GABPB2: variants seen among roughly 807,000 people sequenced by gnomAD.
The protein encoded by GABPB2 is GA-binding protein subunit beta-2.
GABPB2 carries 23 observed loss-of-function variants against 39.1 expected under a neutral mutation model. The observed-to-expected ratio is 0.59, with a 90% CI of 0.42 to 0.83. The LOEUF (loss-of-function observed/expected upper bound fraction) is 0.83. GABPB2 is among the 40% of genes least tolerant of loss of function. The pLI is 0.00. For missense variants in GABPB2, 467 were observed against 541.1 expected (o/e 0.86, Z 1.36); for synonymous variants, 184 against 199.3 (o/e 0.92, Z 0.65).
At chr1:151,111,413 TTTTTTTTTC>T (rs962101518) in intron 7 of GABPB2, among the ~76,000 whole-genome samples, 4 of 143,472 alleles carry the variant, frequency 2.8e-5, no homozygotes, top group Non-Finnish European at 4.6e-5. Context: ...CCCCACTAAT[TTTTTTTTTC>T]TTTTTTTTCT....
rs1374636309 is a variant in GABPB2, at chr1:151,103,652, TC to T, written c.714del (p.Ser239ProfsTer14). 6 of 1,613,482 alleles carry T rather than the reference TC, an allele frequency of 3.7e-6. No homozygotes were observed. In the African/African-American group the frequency reaches 8.0e-5, roughly 22 times the overall value. On this transcript the variant is annotated frameshift_variant, in exon 6 of 9. Coordinates refer to ENST00000368918, the MANE Select transcript of GABPB2 (RefSeq NM_144618.3). LOFTEE classifies it high-confidence loss of function. ...GCTCTTGCTGAGGCATCAGTCCCCC[TC>T]TCCAACTCACACAGAGCCACAGGTA... is the stretch of plus-strand genomic sequence containing the variant. Reference protein sequence around the residue: ...LAALAEASVPLSNSHRATANT... With the variant: ...LAALAEASVPXSNSHRATANT...
intron 3 of GABPB2, among the ~76,000 whole-genome samples, chr1:151,092,564 A>G (rs775706625): frequency 1.4e-5 from 2 of 148,034 alleles, no homozygotes; most frequent in Non-Finnish European, 3.0e-5. Context: ...TAGTTTTCCA[A>G]TTTATTATTA....
Position 151,097,890 on chromosome 1 carries a change from A to G in GABPB2, c.510A>G (p.Arg170=), listed in dbSNP as rs1679216321. The change falls in exon 5 of 9, where the codon AGA becomes AGG. Residue 170 remains arginine, a synonymous_variant. Transcript: ENST00000368918. ...ATCAGGTGAATGTTAATCCAGAGAG[A>G]GCCAACCCTGTGACTGACCCTGTGA... The part of the protein sequence containing the change: ...MQNQVNVNPE[R]ANPVTDPVSM... 4 of 1,614,126 alleles carry G rather than the reference A, an allele frequency of 2.5e-6. No individual in the cohort carries two copies. In the Admixed American group the frequency reaches 6.7e-5, roughly 27 times the overall value.
chr1:151,085,913 C>G (rs1678148502), intron 1 of GABPB2, among the ~76,000 whole-genome samples: 1 of 152,014 alleles, frequency 6.6e-6, no homozygotes, highest in Non-Finnish European at 1.5e-5. Context: ...ACAGATCATG[C>G]AGAATAGTGG....
chr1:151,078,368 C>G (rs587753825), intron 1 of GABPB2, among the ~76,000 whole-genome samples: 1 of 151,924 alleles, frequency 6.6e-6, no homozygotes, highest in African/African-American at 2.4e-5. Context: ...CCAAGGCGGG[C>G]GGATCACGAG....
chr1:151,075,093 G>A (rs1677052732), intron 1 of GABPB2, among the ~76,000 whole-genome samples: 1 of 152,100 alleles, frequency 6.6e-6, no homozygotes. Context: ...GGCGAGCCGA[G>A]ATCGTGCCAC....
At chr1:151,082,269 G>A (rs1444868992) in intron 1 of GABPB2, among the ~76,000 whole-genome samples, 6 of 150,140 alleles carry the variant, frequency 4.0e-5, no homozygotes, top group African/African-American at 1.5e-4. Flanking sequence ...TAGAGATGGG[G>A]TTTCACCATG....
At position 151,118,087 on chromosome 1, in the gene GABPB2, C is replaced by T. The variant is rs1681021351; in HGVS notation, c.1178C>T (p.Ala393Val). The T allele has an allele frequency of 6.2e-7, 1 of 1,614,132 alleles. No individual in the cohort carries two copies. Among genetic ancestry groups the T allele is most frequent in the Non-Finnish European group, 8.5e-7 (1 of 1,180,038 alleles). ...TACCGTCTTAAGCTGGAGGCCATAG[C>T]CCGACAGCAGCCCAATGGAGTTGAT... Reference protein sequence around the residue: ...EQYRLKLEAIARQQPNGVDFT... With the variant: ...EQYRLKLEAIVRQQPNGVDFT... The change falls in exon 9 of 9, where the codon GCC becomes GTC. Residue 393 changes from alanine to valine, a missense_variant. By Grantham distance (64) the Ala-to-Val change is moderately conservative. Transcript: ENST00000368918.
intron 6 of GABPB2, among the ~76,000 whole-genome samples, chr1:151,104,773 CTCTCTT>C (rs1301925799): frequency 7.8e-5 from 8 of 103,032 alleles, no homozygotes; most frequent in African/African-American, 3.0e-4. Flanking sequence ...TTCTTTCTTT[CTCTCTT>C]TCTTTCTTTC....
Position 151,097,939 on chromosome 1 carries a change from A to G in GABPB2, c.559A>G (p.Thr187Ala). The G allele has an allele frequency of 6.2e-7, 1 of 1,614,126 alleles. No homozygotes were observed. The highest frequency in any genetic ancestry group is 8.5e-7 in the Non-Finnish European group (1 of 1,179,986). ...GAGTATGGCTGCTCCATTCATCTTC[A>G]CGTCGGGTGAGGTTGTTAACCTCGC... ...PVSMAAPFIF[T>A]SGEVVNLASL... The change falls in exon 5 of 9, where the codon ACG becomes GCG. Residue 187 changes from threonine to alanine, a missense_variant. Physicochemically the swap from Thr to Ala is moderately conservative, Grantham distance 58 (BLOSUM62 0). Transcript: ENST00000368918.
chr1:151,099,847 C>T (rs1430563683), intron 5 of GABPB2, among the ~76,000 whole-genome samples: 1 of 152,060 alleles, frequency 6.6e-6, no homozygotes, highest in Non-Finnish European at 1.5e-5. Flanking sequence ...ATAATAATAC[C>T]TACTTTATGA....
At chr1:151,086,671 T>A (rs1678221833) in intron 1 of GABPB2, among the ~76,000 whole-genome samples, 1 of 11,130 alleles carries the variant, frequency 9.0e-5, no homozygotes, top group Non-Finnish European at 3.1e-4. Context: ...TTGTTCTTAA[T>A]TTTTTTTTTT....
intron 1 of GABPB2, among the ~76,000 whole-genome samples, chr1:151,075,139 C>G (rs1677058063): frequency 6.6e-6 from 1 of 151,832 alleles, no homozygotes; most frequent in Non-Finnish European, 1.5e-5. Flanking sequence ...GAGACAGTCT[C>G]AAAAAACAAA....
intron 4 of GABPB2, among the ~76,000 whole-genome samples, chr1:151,097,436 C>T (rs1398482737): frequency 1.3e-5 from 2 of 151,998 alleles, no homozygotes; most frequent in Non-Finnish European, 2.9e-5. Flanking sequence ...ATTGATAGAG[C>T]ATTGGGATGG....
chr1:151,123,038 C>A lies in GABPB2; in HGVS notation c.*4782C>A, dbSNP rs183295132. ...AATATTGAATACATTAATGGCAATA[C>A]CATTTCATGACTTTGCATATCTTTC... On this transcript the variant is annotated 3_prime_UTR_variant, in exon 9 of 9. Transcript: ENST00000368918. 1 of 152,092 alleles carries A rather than the reference C, an allele frequency of 6.6e-6. No individual in the cohort carries two copies. The highest frequency in any genetic ancestry group is 1.9e-4 in the East Asian group (1 of 5,190). The allele number at this position is 152,092 out of a possible 1,614,324, so 9.4% of individuals were successfully genotyped here.
At chr1:151,090,043 A>G (rs1010759197) in intron 2 of GABPB2, among the ~76,000 whole-genome samples, 4 of 151,922 alleles carry the variant, frequency 2.6e-5, no homozygotes, top group African/African-American at 7.3e-5. Flanking sequence ...GTTCAAAGCA[A>G]TTCTCCCTGC....
Position 151,076,482 on chromosome 1 carries a change from T to C in GABPB2, c.-1+5548T>C, listed in dbSNP as rs368811180. On this transcript the variant is annotated intron_variant, in intron 1 of 8. Transcript: ENST00000368918. The stretch of plus-strand genomic sequence containing the variant: ...TCTTATTCAGTCACCTAGGCTGGAG[T>C]GCAGTGGCACAATCTTGGTTCACTG... Among the ~76,000 whole-genome samples, 86 of 152,292 alleles carry C rather than the reference T, an allele frequency of 5.6e-4. 1 individual carries two copies. The highest frequency in any genetic ancestry group is 1.8e-3 in the African/African-American group (75 of 41,582).
rs749402060 is a variant in GABPB2 at position 151,088,341 on chromosome 1, T to C, written c.108+44T>C. The C allele has an allele frequency of 6.7e-6, 10 of 1,502,562 alleles. No individual in the cohort carries two copies. The East Asian group carries it at 2.1e-4, about 32-fold the overall frequency. The allele number at this position is 1,502,562 out of a possible 1,614,324, so 93.1% of individuals were successfully genotyped here. A position where few individuals can be genotyped will look rare whatever the true frequency, so the allele number is the denominator to read the frequency against. On this transcript the variant is annotated intron_variant, in intron 2 of 8. Transcript: ENST00000368918. ...TCTCTTAATTATTTCCAATGTATGCTTTTACCAACATTTTTCTTAAAGGCT... is the reference window on the plus strand; with the variant it reads ...TCTCTTAATTATTTCCAATGTATGCCTTTACCAACATTTTTCTTAAAGGCT...
At chr1:151,089,415 C>G (rs958029050) in intron 2 of GABPB2, among the ~76,000 whole-genome samples, 30 of 152,180 alleles carry the variant, frequency 2.0e-4, no homozygotes, top group Non-Finnish European at 3.4e-4. Context: ...GAATAGAGCT[C>G]TGGCCAAAGT....
Sources: allele counts gnomAD v4.1 joint callset (sites outside exome capture counted in the v4.1 genomes callset), GRCh38; gene constraint gnomAD v4.1.1; transcripts MANE v1.5; gene names NCBI Gene and HGNC (gene_info 2026-07-23, HGNC 2026-07-21).